TMEM117: variants seen among roughly 807,000 people sequenced by gnomAD.
The protein encoded by TMEM117 is transmembrane protein 117.
A neutral mutation model predicts 52.4 loss-of-function variants in TMEM117; 27 were observed. The observed-to-expected ratio is 0.51, with a 90% CI of 0.38 to 0.71. The LOEUF is 0.71. Ranked by LOEUF, TMEM117 falls within the 30% of genes least tolerant of loss-of-function variation. TMEM117 has a pLI of 0.00. For synonymous variants in TMEM117, 215 were observed against 206.3 expected (o/e 1.04, Z -0.36); for missense variants, 556 against 630.5 (o/e 0.88, Z 1.26).
At chr12:44,268,188 A>G (rs1950402252) in intron 5 of TMEM117, among the ~76,000 whole-genome samples, 1 of 151,186 alleles carries the variant, frequency 6.6e-6, no homozygotes, top group Admixed American at 6.6e-5. Flanking sequence ...CCCAGCTTGG[A>G]GTGCAATGAC....
At chr12:43,905,657 G>A (rs1944374412) in intron 2 of TMEM117, among the ~76,000 whole-genome samples, 1 of 152,176 alleles carries the variant, frequency 6.6e-6, no homozygotes, top group South Asian at 2.1e-4. Context: ...AGAGAAGGAT[G>A]GAGACTTATT....
Position 43,975,322 on chromosome 12 carries a change from CAG to C in TMEM117, c.410+30982_410+30983del, listed in dbSNP as rs559981513. Among the ~76,000 whole-genome samples, 577 of 152,292 alleles carry C rather than the reference CAG, an allele frequency of 3.8e-3. 2 individuals are homozygous for C. The highest frequency in any genetic ancestry group is 0.013 in the African/African-American group (549 of 41,562). On this transcript the variant is annotated intron_variant, in intron 3 of 7. Transcript: ENST00000266534. ...TATATATTTGTAGTGGTTTTGGGGT[CAG>C]ACTCTGCTTCAAATCCTGCTTCTGC...
intron 5 of TMEM117, among the ~76,000 whole-genome samples, chr12:44,252,078 A>G (rs566856812): frequency 2.0e-5 from 3 of 152,062 alleles, no homozygotes; most frequent in Admixed American, 6.5e-5. Flanking sequence ...CAGTGCTTCA[A>G]TTTATCTACA....
chr12:44,347,386 A>G (rs550787552), intron 6 of TMEM117, among the ~76,000 whole-genome samples: 3 of 152,122 alleles, frequency 2.0e-5, no homozygotes, highest in Non-Finnish European at 4.4e-5. Flanking sequence ...GTTGAAGGGT[A>G]CTTAAGTTTT....
At chr12:44,288,380 T>C (rs1000468996) in intron 5 of TMEM117, among the ~76,000 whole-genome samples, 1 of 152,170 alleles carries the variant, frequency 6.6e-6, no homozygotes, top group Non-Finnish European at 1.5e-5. Flanking sequence ...GCAGAATACC[T>C]CCTTTAATTT....
At chr12:44,289,431 T>C (rs567368158) in intron 5 of TMEM117, among the ~76,000 whole-genome samples, 5 of 152,236 alleles carry the variant, frequency 3.3e-5, no homozygotes, top group African/African-American at 1.2e-4. Context: ...CTGGATTGTA[T>C]AGTAGTTTTA....
At chr12:44,247,335 G>T (rs1037823766) in intron 5 of TMEM117, among the ~76,000 whole-genome samples, 2 of 152,128 alleles carry the variant, frequency 1.3e-5, no homozygotes, top group Non-Finnish European at 2.9e-5. Context: ...AAATTTCAGG[G>T]GGAGATAGCA....
intron 3 of TMEM117, among the ~76,000 whole-genome samples, chr12:44,126,594 ACATTGTACAGTGTTTCT>A (rs1948328973): frequency 1.3e-5 from 2 of 152,248 alleles, no homozygotes; most frequent in Admixed American, 1.3e-4. Flanking sequence ...TATGATATTA[ACATTGTACAGTGTTTCT>A]CATAGGCTGA....
At chr12:44,304,044 A>C (rs746332298) in intron 6 of TMEM117, among the ~76,000 whole-genome samples, 5 of 152,250 alleles carry the variant, frequency 3.3e-5, no homozygotes, top group Non-Finnish European at 5.9e-5. Flanking sequence ...ACCAAAAATC[A>C]GATGAATGAT....
intron 4 of TMEM117, among the ~76,000 whole-genome samples, chr12:44,169,026 T>A (rs1949008250): frequency 6.6e-6 from 1 of 152,254 alleles, no homozygotes; most frequent in African/African-American, 2.4e-5. Context: ...TTGTAGCATA[T>A]GTCAGAATTT....
chr12:44,161,725 A>G (rs949024226), intron 4 of TMEM117, among the ~76,000 whole-genome samples: 1 of 152,156 alleles, frequency 6.6e-6, no homozygotes, highest in Admixed American at 6.6e-5. Context: ...TTATTACCAT[A>G]TGATAATTTT....
At chr12:44,238,261 A>G (rs957993122) in intron 5 of TMEM117, among the ~76,000 whole-genome samples, 2 of 152,174 alleles carry the variant, frequency 1.3e-5, no homozygotes, top group African/African-American at 4.8e-5. Flanking sequence ...CGTGTGAAGT[A>G]TCTTTACAAA....
At chr12:43,797,136 AATAC>A in the TMEM117 span, 1 of 1,546,064 alleles carries the variant, frequency 6.5e-7, no homozygotes, top group Admixed American at 2.0e-5. Flanking sequence ...TTAGCATATC[AATAC>A]ATAAACTTCA....
chr12:44,241,549 C>T (rs1162262484), intron 5 of TMEM117, among the ~76,000 whole-genome samples: 1 of 151,772 alleles, frequency 6.6e-6, no homozygotes, highest in African/African-American at 2.4e-5. Flanking sequence ...TTGATGACTT[C>T]GAGAATTTGT....
chr12:43,884,504 T>G lies in TMEM117; in HGVS notation c.277+39576T>G, dbSNP rs192500187. 9.2e-5 allele frequency among the ~76,000 whole-genome samples: 14 copies of G among 152,306 alleles called. No homozygotes were observed. The East Asian group carries it at 2.5e-3, about 27-fold the overall frequency. ...TCTATGCTTGTTTCATGGCCTCCAG[T>G]AAAGGCTTCTGTTGATGAGGGGGTT... On this transcript the variant is annotated intron_variant, in intron 2 of 7. Transcript: ENST00000266534.
At chr12:43,899,757 TTTAA>T (rs1402435637) in intron 2 of TMEM117, among the ~76,000 whole-genome samples, 1 of 152,240 alleles carries the variant, frequency 6.6e-6, no homozygotes, top group East Asian at 1.9e-4. Context: ...ATACATTCTC[TTTAA>T]TTGTCCTCTT....
chr12:44,393,517 G>A (rs1952170115), downstream of TMEM117, among the ~76,000 whole-genome samples: 1 of 151,816 alleles, frequency 6.6e-6, no homozygotes, highest in East Asian at 1.9e-4. Context: ...GGCTTAGAGA[G>A]GTTTTTTTGA....
At chr12:44,111,842 A>G (rs1948062473) in intron 3 of TMEM117, among the ~76,000 whole-genome samples, 1 of 126,814 alleles carries the variant, frequency 7.9e-6, no homozygotes, top group African/African-American at 3.7e-5. Flanking sequence ...GTGGGAGTCT[A>G]AGTCTCTTTG....
chr12:43,996,277 A>T (rs2137763956), intron 3 of TMEM117, among the ~76,000 whole-genome samples: 1 of 152,292 alleles, frequency 6.6e-6, no homozygotes, highest in Admixed American at 6.5e-5. Flanking sequence ...TGTTTCCTAG[A>T]TACAGTTTTA....
Sources: gnomAD v4.1 joint callset for allele counts (sites outside exome capture counted in the v4.1 genomes callset) on GRCh38, gnomAD v4.1.1 for gene constraint, MANE v1.5 for transcripts, NCBI Gene and HGNC (gene_info 2026-07-23, HGNC 2026-07-21) for gene names.